Variants in EYA3 observed in about 807,000 individuals in gnomAD.
EYA3 encodes protein phosphatase EYA3.
EYA3 carries 39 observed loss-of-function variants against 80.0 expected under a neutral mutation model. The observed-to-expected ratio is 0.49, with a 90% CI of 0.38 to 0.64. The LOEUF is 0.64. Ranked by LOEUF, EYA3 falls within the 30% of genes least tolerant of loss-of-function variation. The pLI is 0.00. For missense variants in EYA3, 523 were observed against 676.1 expected (o/e 0.77, Z 2.51); for synonymous variants, 206 against 232.8 (o/e 0.88, Z 1.05).
intron 11 of EYA3, among the ~76,000 whole-genome samples, chr1:28,002,591 A>G (rs1640945353): frequency 6.6e-6 from 1 of 151,774 alleles, no homozygotes; most frequent in African/African-American, 2.4e-5. Flanking sequence ...CAGGAGAATC[A>G]CTTGAGCCTC....
rs1209355536 is a variant in EYA3, at chr1:28,013,553, A to G, written c.586-259T>C. On this transcript the variant is annotated intron_variant, in intron 8 of 17. Transcript: ENST00000373871. The surrounding 1 kb of genome is among the most constrained non-coding windows in gnomAD (Gnocchi z 4.0). ...AGAGGGAAGGGTCTTCTGTACTCTC[A>G]TAAACATACACATGGTGTCCCTTTT... Among the ~76,000 whole-genome samples, 1 of 152,210 alleles carries G rather than the reference A, an allele frequency of 6.6e-6. No individual in the cohort carries two copies. Among genetic ancestry groups the G allele is most frequent in the African/African-American group, 2.4e-5 (1 of 41,454 alleles).
At position 28,042,553 on chromosome 1, in the gene EYA3, A is replaced by C; in HGVS notation, c.157+18T>G. ...TATAGGAATATCTGTTCAATCATGCACAGAATATGGTACTTACTTTCCTCT... is the reference window on the plus strand; with the variant it reads ...TATAGGAATATCTGTTCAATCATGCCCAGAATATGGTACTTACTTTCCTCT... On this transcript the variant is annotated intron_variant, in intron 4 of 17. Transcript: ENST00000373871. 1 of 1,607,840 alleles carries C rather than the reference A, an allele frequency of 6.2e-7. No homozygotes were observed. The highest frequency in any genetic ancestry group is 8.5e-7 in the Non-Finnish European group (1 of 1,174,482).
chr1:28,012,541 AGT>A (rs1178122303), intron 9 of EYA3, among the ~76,000 whole-genome samples: 1 of 152,204 alleles, frequency 6.6e-6, no homozygotes, highest in East Asian at 1.9e-4. Context: ...ATAAATAAAA[AGT>A]GTGTGTATAT....
At chr1:28,072,169 T>A (rs1645040059) in intron 1 of EYA3, among the ~76,000 whole-genome samples, 1 of 152,136 alleles carries the variant, frequency 6.6e-6, no homozygotes, top group Non-Finnish European at 1.5e-5. Flanking sequence ...GAAAAAATAG[T>A]CTTGCAAAAA....
intron 1 of EYA3, among the ~76,000 whole-genome samples, chr1:28,073,299 ATT>A (rs771192369): frequency 4.4e-5 from 5 of 114,210 alleles, no homozygotes; most frequent in Non-Finnish European, 3.7e-5. Flanking sequence ...CACCCAGCTA[ATT>A]TTTTTTTTTT....
chr1:28,077,081 T>C (rs190858090), intron 1 of EYA3, among the ~76,000 whole-genome samples: 1 of 150,988 alleles, frequency 6.6e-6, no homozygotes, highest in African/African-American at 2.4e-5. Flanking sequence ...AAAATCATCC[T>C]TTGAAATTGT....
At chr1:28,031,183 A>T (rs1223104632) in intron 6 of EYA3, among the ~76,000 whole-genome samples, 1 of 152,196 alleles carries the variant, frequency 6.6e-6, no homozygotes, top group African/African-American at 2.4e-5. Flanking sequence ...TCTAATATAT[A>T]ATTATTTTAT....
chr1:27,977,467 A>T, intron 17 of EYA3: 1 of 1,372,072 alleles, frequency 7.3e-7, no homozygotes, highest in Non-Finnish European at 1.0e-6. Context: ...CTCAAAGAGG[A>T]TAATTGTTCA....
chr1:28,040,100 C>T (rs1486521918), intron 4 of EYA3, among the ~76,000 whole-genome samples: 1 of 152,068 alleles, frequency 6.6e-6, no homozygotes, highest in African/African-American at 2.4e-5. Flanking sequence ...TTGGGAACCA[C>T]AAAATGATTA....
intron 6 of EYA3, among the ~76,000 whole-genome samples, chr1:28,030,842 TGTGA>T (rs936962239): frequency 1.5e-4 from 23 of 152,306 alleles, no homozygotes; most frequent in African/African-American, 5.5e-4. Flanking sequence ...TGATGTAAAA[TGTGA>T]GTATCAGTGC....
intron 2 of EYA3, among the ~76,000 whole-genome samples, chr1:28,052,664 C>T (rs1644292537): frequency 6.6e-6 from 1 of 152,128 alleles, no homozygotes; most frequent in Admixed American, 6.5e-5. Flanking sequence ...AAAATATAGG[C>T]CGGAGGCAGT....
chr1:28,036,840 T>C (rs563447805), intron 5 of EYA3, among the ~76,000 whole-genome samples: 2 of 152,244 alleles, frequency 1.3e-5, no homozygotes, highest in East Asian at 1.9e-4. Flanking sequence ...GGGGGTGTTT[T>C]AAAGGGGAAA....
intron 7 of EYA3, among the ~76,000 whole-genome samples, chr1:28,025,421 A>G (rs370612584): frequency 1.3e-5 from 2 of 152,334 alleles, no homozygotes; most frequent in East Asian, 3.9e-4. Flanking sequence ...TATTGTACTC[A>G]TGCTCTGGAG....
rs781256975 is a variant in EYA3, at chr1:27,988,628, T to G, written c.1447A>C (p.Thr483Pro). 6.2e-7 allele frequency: 1 copy of G among 1,614,060 alleles called. No individual in the cohort carries two copies. Among genetic ancestry groups the G allele is most frequent in the East Asian group, 2.2e-5 (1 of 44,872 alleles). The change falls in exon 16 of 18, where the codon ACC (threonine) becomes CCC (proline). Residue 483 changes from threonine to proline, a missense_variant. Transcript: ENST00000373871. Reference protein sequence around the residue: ...RKNCVNVLITTTQLVPALAKV... With the variant: ...RKNCVNVLITPTQLVPALAKV... ...GCCAGGGCTGGAACCAGCTGGGTGG[T>G]AGTGATCAGAACATTCACACAATTC...
chr1:27,981,374 C>G (rs184794623), intron 16 of EYA3, among the ~76,000 whole-genome samples: 1 of 152,120 alleles, frequency 6.6e-6, no homozygotes, highest in South Asian at 2.1e-4. Flanking sequence ...GATGAGCCTG[C>G]GGGTGCCAGG....
chr1:27,976,572 T>C (rs748641276), intron 17 of EYA3, among the ~76,000 whole-genome samples: 6 of 152,226 alleles, frequency 3.9e-5, no homozygotes, highest in African/African-American at 1.2e-4. Flanking sequence ...CACGGTGGAA[T>C]AGGCTACTGG....
At chr1:28,025,542 G>A (rs775623102) in intron 7 of EYA3, among the ~76,000 whole-genome samples, 1 of 152,152 alleles carries the variant, frequency 6.6e-6, no homozygotes, top group Non-Finnish European at 1.5e-5. Context: ...ATGAGGTTTG[G>A]GTTGTTGTGA....
chr1:28,062,566 T>G (rs1424923560), intron 1 of EYA3, among the ~76,000 whole-genome samples: 1 of 152,080 alleles, frequency 6.6e-6, no homozygotes, highest in Non-Finnish European at 1.5e-5. Context: ...CTATGTACCC[T>G]GTAAATGTAA....
At position 28,036,696 on chromosome 1, in the gene EYA3, C is replaced by A. The variant is rs59536539; in HGVS notation, c.225-1016G>T. ...ACTCCTGGGACTTTACACTAGCTAG[C>A]AGATATAATTGTTTCATCCATGATA... On this transcript the variant is annotated intron_variant, in intron 5 of 17. Coordinates refer to ENST00000373871, the MANE Select transcript of EYA3 (RefSeq NM_001990.4). 2.7e-3 allele frequency among the ~76,000 whole-genome samples: 407 copies of A among 152,284 alleles called. 2 individuals carry two copies. Among genetic ancestry groups the A allele is most frequent in the African/African-American group, 8.9e-3 (372 of 41,566 alleles).
Sources: gnomAD v4.1 joint callset for allele counts (sites outside exome capture counted in the v4.1 genomes callset) on GRCh38, gnomAD v4.1.1 for gene constraint, Gnocchi (gnomAD v3.1) non-coding constraint, MANE v1.5 for transcripts, NCBI Gene and HGNC (gene_info 2026-07-23, HGNC 2026-07-21) for gene names.